BAZ2B: variants seen among roughly 807,000 people sequenced by gnomAD.
BAZ2B encodes bromodomain adjacent to zinc finger domain 2B, also known as bromodomain adjacent to zinc finger domain protein 2B.
Under a neutral mutation model 246.0 loss-of-function variants are expected in BAZ2B, and 91 were observed. The observed-to-expected ratio is 0.37, with a 90% CI of 0.31 to 0.44. The LOEUF is 0.44. Ranked by LOEUF, BAZ2B falls within the 20% of genes least tolerant of loss-of-function variation. The pLI, the probability that BAZ2B is intolerant of heterozygous loss-of-function variation, is 1.00. For synonymous variants in BAZ2B, 855 were observed against 860.0 expected, an observed-to-expected ratio of 0.99 and a Z score of 0.10; for missense variants, 2,332 against 2,533.7, an observed-to-expected ratio of 0.92 and a Z score of 1.71.
the BAZ2B span, among the ~76,000 whole-genome samples, chr2:159,708,954 T>C: frequency 1.4e-4 from 21 of 152,188 alleles, no homozygotes; most frequent in African/African-American, 5.1e-4. Flanking sequence ...GATGTTCATT[T>C]ACTAAATATG....
chr2:159,498,788 T>C (rs1310266763), intron 2 of BAZ2B, among the ~76,000 whole-genome samples: 2 of 152,194 alleles, frequency 1.3e-5, no homozygotes, highest in Non-Finnish European at 2.9e-5. Context: ...TCCATTTCCC[T>C]CATAATTTTT....
chr2:159,562,530 T>A (rs1348374643), intron 1 of BAZ2B, among the ~76,000 whole-genome samples: 1 of 152,224 alleles, frequency 6.6e-6, no homozygotes, highest in East Asian at 1.9e-4. Flanking sequence ...AAGGAGGTAG[T>A]AGCACTGCCA....
intron 8 of BAZ2B, among the ~76,000 whole-genome samples, chr2:159,436,681 G>A (rs879667831): frequency 6.6e-6 from 1 of 152,166 alleles, no homozygotes; most frequent in Non-Finnish European, 1.5e-5. Flanking sequence ...AACCCAGGAG[G>A]TGGAGCTTGC....
At chr2:159,630,568 C>G in the BAZ2B span, among the ~76,000 whole-genome samples, 2 of 149,986 alleles carry the variant, frequency 1.3e-5, no homozygotes, top group Non-Finnish European at 3.0e-5. Flanking sequence ...GAGTCTCGCT[C>G]TGTCGCCCAG....
chr2:159,395,736 T>C (rs1359003011), intron 20 of BAZ2B, 33 bp downstream of exon 20: 3 of 1,537,292 alleles, frequency 2.0e-6, no homozygotes, highest in Non-Finnish European at 2.7e-6. Flanking sequence ...CATTACTTTA[T>C]AAGGTAATAT....
chr2:159,337,454 T>C, intron 32 of BAZ2B, 113 bp downstream of exon 32: 1 of 1,598,192 alleles, frequency 6.3e-7, no homozygotes, highest in South Asian at 1.1e-5. Flanking sequence ...TTAATCTCAA[T>C]AACCTACCCG....
In BAZ2B at chr2:159,386,496, C is replaced by G. The variant is rs1026645582; in HGVS notation, c.3328G>C (p.Asp1110His). 5.6e-6 allele frequency: 9 copies of G among 1,613,638 alleles called. No homozygotes were observed. The highest frequency in any genetic ancestry group is 7.6e-6 in the Non-Finnish European group (9 of 1,179,770). ...LRNFGKVLGF[D>H]VNIDVPNLSV... ...AGGTTTGGAACATCAATATTCACAT[C>G]AAAGCCCAAAACTTTACCAAAGTTT... is the stretch of plus-strand genomic sequence containing the variant. The change falls in exon 22 of 37, where the codon GAT becomes CAT. Residue 1110 changes from aspartate (D) to histidine (H), a missense_variant. Asp to His is a moderately conservative substitution (Grantham distance 81, BLOSUM62 -1). Coordinates refer to ENST00000392783, the MANE Select transcript of BAZ2B (RefSeq NM_013450.4).
At chr2:159,415,444 C>CA (rs66504722) in intron 13 of BAZ2B, among the ~76,000 whole-genome samples, 49,933 of 112,826 alleles carry the variant, frequency 0.44, 11,378 homozygotes, top group East Asian at 0.61. Context: ...GACTCCGTCT[C>CA]AAAAAAAAAA....
At chr2:159,706,721 T>C in the BAZ2B span, among the ~76,000 whole-genome samples, 2 of 152,234 alleles carry the variant, frequency 1.3e-5, no homozygotes, top group East Asian at 1.9e-4. Flanking sequence ...GTTCTCATTG[T>C]AGGGTGAAAG....
intron 2 of BAZ2B, among the ~76,000 whole-genome samples, chr2:159,503,180 T>C (rs1410085484): frequency 1.3e-5 from 2 of 152,190 alleles, no homozygotes; most frequent in African/African-American, 4.8e-5. Flanking sequence ...AGTGTTTCTA[T>C]ATCACCTGTA....
intron 1 of BAZ2B, among the ~76,000 whole-genome samples, chr2:159,583,486 C>A (rs1471181604): frequency 2.0e-5 from 3 of 152,168 alleles, no homozygotes; most frequent in Non-Finnish European, 4.4e-5. Context: ...ATGAAACAGA[C>A]TGCAGGAGTC....
intron 1 of BAZ2B, among the ~76,000 whole-genome samples, chr2:159,601,114 T>C (rs1578825604): frequency 1.3e-5 from 2 of 152,130 alleles, no homozygotes; most frequent in South Asian, 4.1e-4. Flanking sequence ...AGAGAAAAAG[T>C]TCTAGGAAAA....
At chr2:159,445,673 A>G (rs1052044728) in intron 6 of BAZ2B, among the ~76,000 whole-genome samples, 3 of 152,246 alleles carry the variant, frequency 2.0e-5, no homozygotes, top group Non-Finnish European at 4.4e-5. Context: ...TGAGATGCCA[A>G]TGAAACTCAC....
intron 4 of BAZ2B, among the ~76,000 whole-genome samples, chr2:159,450,988 C>T (rs1391440830): frequency 1.3e-5 from 2 of 151,994 alleles, no homozygotes; most frequent in African/African-American, 4.8e-5. Context: ...TCCCAAAATG[C>T]TAGGATTATA....
upstream of BAZ2B, among the ~76,000 whole-genome samples, chr2:159,619,935 G>A (rs147818411): frequency 5.7e-4 from 87 of 152,228 alleles, no homozygotes; most frequent in African/African-American, 1.9e-3. Flanking sequence ...GCTTCATCAT[G>A]TACATAATTG....
At chr2:159,342,582 G>A (rs948768529) in intron 31 of BAZ2B, among the ~76,000 whole-genome samples, 20 of 152,136 alleles carry the variant, frequency 1.3e-4, no homozygotes, top group African/African-American at 2.9e-4. Flanking sequence ...CACTGTGTCC[G>A]GCCTCAGCAG....
chr2:159,390,449 T>C (rs1285427272), intron 20 of BAZ2B, among the ~76,000 whole-genome samples: 1 of 152,168 alleles, frequency 6.6e-6, no homozygotes, highest in Non-Finnish European at 1.5e-5. Context: ...ATTTAAATCC[T>C]AATTAAACAC....
chr2:159,642,073 A>T, the BAZ2B span, among the ~76,000 whole-genome samples: 3 of 152,042 alleles, frequency 2.0e-5, no homozygotes, highest in Non-Finnish European at 4.4e-5. Flanking sequence ...TTCTATTAAG[A>T]TCAAGCTTAC....
chr2:159,604,641 T>C (rs1284151735), intron 1 of BAZ2B, among the ~76,000 whole-genome samples: 2 of 152,168 alleles, frequency 1.3e-5, no homozygotes, highest in Admixed American at 6.5e-5. Flanking sequence ...AACATGACAA[T>C]GCTTTAAAAA....
Sources: gnomAD v4.1 joint callset for allele counts (sites outside exome capture counted in the v4.1 genomes callset) on GRCh38, gnomAD v4.1.1 for gene constraint, MANE v1.5 for transcripts, NCBI Gene and HGNC (gene_info 2026-07-23, HGNC 2026-07-21) for gene names.